ZFPM2: variants seen among roughly 807,000 people sequenced by gnomAD.
The protein encoded by ZFPM2 is zinc finger protein, FOG family member 2.
ZFPM2 carries 20 observed loss-of-function variants against 98.6 expected under a neutral mutation model. That is an observed-to-expected ratio of 0.20 (90% CI 0.14 to 0.29). ZFPM2 has a LOEUF of 0.29. Among genes scored for constraint, ZFPM2 ranks in the 10% least tolerant of loss-of-function variants. ZFPM2 has a pLI of 1.00. For missense variants in ZFPM2, 1,310 were observed against 1,388.6 expected (o/e 0.94, Z 0.90); for synonymous variants, 518 against 502.7 (o/e 1.03, Z -0.41).
chr8:105,473,224 G>A (rs1812943210), intron 3 of ZFPM2, among the ~76,000 whole-genome samples: 1 of 151,954 alleles, frequency 6.6e-6, no homozygotes, highest in Non-Finnish European at 1.5e-5. Context: ...CTGGTCTATT[G>A]CATCTTTTAG....
intron 5 of ZFPM2, among the ~76,000 whole-genome samples, chr8:105,699,667 C>T (rs936447178): frequency 1.3e-4 from 19 of 151,922 alleles, no homozygotes; most frequent in African/African-American, 2.9e-4. Context: ...TGAATTAATG[C>T]GCTGTAACTG....
At chr8:105,583,436 AAAAT>A (rs1815645225) in intron 4 of ZFPM2, among the ~76,000 whole-genome samples, 2 of 152,310 alleles carry the variant, frequency 1.3e-5, no homozygotes, top group Admixed American at 6.5e-5. Context: ...TTACAGAAAA[AAAAT>A]AGAGCAACAA....
chr8:105,453,886 A>G (rs1812535032), intron 3 of ZFPM2, among the ~76,000 whole-genome samples: 1 of 152,030 alleles, frequency 6.6e-6, no homozygotes, highest in Admixed American at 6.6e-5. Flanking sequence ...CAGCCTCCCA[A>G]AGTGTCTAGA....
intron 5 of ZFPM2, among the ~76,000 whole-genome samples, chr8:105,769,483 C>T (rs1271181647): frequency 6.6e-6 from 1 of 152,002 alleles, no homozygotes; most frequent in Non-Finnish European, 1.5e-5. Context: ...GTCTTTTTCA[C>T]CTCTCCTAGA....
chr8:105,404,842 C>T (rs569294269), intron 1 of ZFPM2, among the ~76,000 whole-genome samples: 24 of 152,060 alleles, frequency 1.6e-4, no homozygotes, highest in African/African-American at 4.8e-4. Context: ...CTGTAACTCC[C>T]GATAACAGGC....
chr8:105,698,223 C>G (rs1811064114), intron 5 of ZFPM2, among the ~76,000 whole-genome samples: 1 of 152,146 alleles, frequency 6.6e-6, no homozygotes, highest in South Asian at 2.1e-4. Flanking sequence ...CCAACTTTCA[C>G]TAGGTAATCT....
At chr8:105,505,216 AT>A (rs1813675542) in intron 3 of ZFPM2, among the ~76,000 whole-genome samples, 1 of 152,160 alleles carries the variant, frequency 6.6e-6, no homozygotes, top group Non-Finnish European at 1.5e-5. Flanking sequence ...AAAAGATGTA[AT>A]TTAAGGAGCA....
chr8:105,466,980 C>T (rs1303397115), intron 3 of ZFPM2, among the ~76,000 whole-genome samples: 2 of 151,966 alleles, frequency 1.3e-5, no homozygotes, highest in Non-Finnish European at 2.9e-5. Flanking sequence ...TTTGCCTAAT[C>T]GCCCTAAGTT....
chr8:105,752,498 T>C (rs1329689831), intron 5 of ZFPM2, among the ~76,000 whole-genome samples: 1 of 152,180 alleles, frequency 6.6e-6, no homozygotes, highest in East Asian at 1.9e-4. Context: ...CAGGAAACAG[T>C]TGGTTGTTTG....
At chr8:105,509,364 C>G (rs750939258) in intron 3 of ZFPM2, among the ~76,000 whole-genome samples, 4 of 152,066 alleles carry the variant, frequency 2.6e-5, no homozygotes, top group Non-Finnish European at 4.4e-5. Flanking sequence ...TTCCACTCAC[C>G]GAGTTTCATT....
At chr8:105,681,316 A>G (rs975666269) in intron 5 of ZFPM2, among the ~76,000 whole-genome samples, 4 of 152,050 alleles carry the variant, frequency 2.6e-5, no homozygotes, top group South Asian at 2.1e-4. Context: ...CCTCACTACA[A>G]TCCCATTCCT....
chr8:105,737,504 TG>T (rs1812105438), intron 5 of ZFPM2: 1 of 152,648 alleles, frequency 6.6e-6, no homozygotes, highest in African/African-American at 2.4e-5. Flanking sequence ...TTTTTTTCTT[TG>T]GGTGATTCCT....
At chr8:105,503,818 A>T (rs930069085) in intron 3 of ZFPM2, among the ~76,000 whole-genome samples, 2 of 152,236 alleles carry the variant, frequency 1.3e-5, no homozygotes, top group African/African-American at 4.8e-5. Flanking sequence ...TGTTTTTATT[A>T]TAACTGACCC....
chr8:105,448,391 G>T, intron 3 of ZFPM2, among the ~76,000 whole-genome samples: 1 of 151,800 alleles, frequency 6.6e-6, no homozygotes, highest in Admixed American at 6.6e-5. Context: ...ACTCTCACAA[G>T]TTCTTCAGTT....
In ZFPM2 at chr8:105,647,533, C is replaced by A. The variant is rs538059607; in HGVS notation, c.532+13176C>A. 8.0e-5 allele frequency among the ~76,000 whole-genome samples: 12 copies of A among 149,850 alleles called. No individual in the cohort carries two copies. In the South Asian group the frequency reaches 1.8e-3, roughly 22 times the overall value. On this transcript the variant is annotated intron_variant, in intron 5 of 7. Transcript: ENST00000407775. ...CTAATGCTATCCCTCCCGCCCCCCCCCACCCCACAACAGGCCCCAGTGTGT... is the reference window on the plus strand; with the variant it reads ...CTAATGCTATCCCTCCCGCCCCCCCACACCCCACAACAGGCCCCAGTGTGT...
chr8:105,334,521 C>T (rs1442030057), intron 1 of ZFPM2, among the ~76,000 whole-genome samples: 1 of 151,658 alleles, frequency 6.6e-6, no homozygotes, highest in Non-Finnish European at 1.5e-5. Context: ...TATTTCTCTA[C>T]TCTCAGCAGC....
Position 105,804,473 on chromosome 8 carries a change from A to G in ZFPM2, c.*935A>G, listed in dbSNP as rs75915476. The G allele has an allele frequency of 2.4e-3, 374 of 152,720 alleles. 1 individual carries two copies. The highest frequency in any genetic ancestry group is 8.6e-3 in the African/African-American group (358 of 41,562). The allele number at this position is 152,720 out of a possible 1,614,324, so 9.5% of individuals were successfully genotyped here. The stretch of plus-strand genomic sequence containing the variant: ...ATAATGTTCTACTTCTGATAGAAAT[A>G]ATTTCTCAACAAATGTTGTTACTAT... On this transcript the variant is annotated 3_prime_UTR_variant, in exon 8 of 8. Transcript: ENST00000407775.
At chr8:105,520,765 A>C (rs534539999) in intron 3 of ZFPM2, among the ~76,000 whole-genome samples, 5 of 152,104 alleles carry the variant, frequency 3.3e-5, no homozygotes, top group Non-Finnish European at 5.9e-5. Flanking sequence ...TGGACTTTGA[A>C]GTATGAGTAA....
intron 3 of ZFPM2, among the ~76,000 whole-genome samples, chr8:105,481,710 C>A (rs1563678688): frequency 6.6e-6 from 1 of 152,062 alleles, no homozygotes; most frequent in Non-Finnish European, 1.5e-5. Context: ...AAGAATGTAT[C>A]TTAAGTAGGT....
Sources: gnomAD v4.1 joint callset for allele counts (sites outside exome capture counted in the v4.1 genomes callset) on GRCh38, gnomAD v4.1.1 for gene constraint, MANE v1.5 for transcripts, NCBI Gene and HGNC (gene_info 2026-07-23, HGNC 2026-07-21) for gene names.